LMNB2: variants seen among roughly 807,000 people sequenced by gnomAD.
The protein encoded by LMNB2 is lamin-B2.
In LMNB2, 17 loss-of-function variants were observed where a neutral mutation model predicts 69.3. The observed-to-expected ratio is 0.25, with a 90% confidence interval of 0.17 to 0.37. LMNB2 has a LOEUF of 0.37. Among genes scored for constraint, LMNB2 ranks in the 10% least tolerant of loss-of-function variants. The pLI, the probability that LMNB2 is intolerant of heterozygous loss-of-function variation, is 1.00. For missense variants in LMNB2, 789 were observed against 883.6 expected (o/e 0.89, Z 1.36); for synonymous variants, 397 against 389.3 (o/e 1.02, Z -0.23).
intron 1 of LMNB2, among the ~76,000 whole-genome samples, chr19:2,454,185 C>G (rs577797427): frequency 2.7e-5 from 4 of 150,042 alleles, no homozygotes; most frequent in Admixed American, 6.7e-5. Context: ...CCCAGCTACT[C>G]GGGAGACGGG....
intron 1 of LMNB2, among the ~76,000 whole-genome samples, chr19:2,448,355 CAG>C (rs1442223343): frequency 5.3e-5 from 8 of 152,184 alleles, no homozygotes; most frequent in Non-Finnish European, 1.0e-4. Flanking sequence ...CCTGTCCCCA[CAG>C]AGAGAGAGCT....
intron 11 of LMNB2, 146 bp downstream of exon 11, chr19:2,431,402 C>T (rs1971737059): frequency 2.9e-6 from 3 of 1,029,280 alleles, no homozygotes; most frequent in African/African-American, 1.6e-5. Context: ...GTGCTGGTAA[C>T]AGCCAAGGCT....
In LMNB2 at chr19:2,430,562, G is replaced by A. The variant is rs899636851; in HGVS notation, c.*349C>T. On this transcript the variant is annotated 3_prime_UTR_variant, in exon 12 of 12. Coordinates refer to ENST00000325327, the MANE Select transcript of LMNB2 (RefSeq NM_032737.4). Reference sequence around the variant, plus strand: ...CCTACGCAGTTTCCGCGCTCCGTCCGCAGCAGGGCCGTCTCCTGTCCCCTC... The same window carrying A: ...CCTACGCAGTTTCCGCGCTCCGTCCACAGCAGGGCCGTCTCCTGTCCCCTC... 3.3e-5 allele frequency: 13 copies of A among 399,040 alleles called. No homozygotes were observed. Among genetic ancestry groups the A allele is most frequent in the Middle Eastern group, 8.0e-4 (1 of 1,250 alleles). The allele number at this position is 399,040 out of a possible 1,614,324, so 24.7% of individuals were successfully genotyped here.
In LMNB2 at chr19:2,444,495, G is replaced by C. The variant is rs150333146; in HGVS notation, c.310C>G (p.Arg104Gly). 1.9e-6 allele frequency: 3 copies of C among 1,613,012 alleles called. No individual in the cohort carries two copies. Among genetic ancestry groups the C allele is most frequent in the Admixed American group, 3.3e-5 (2 of 59,992 alleles). The change falls in exon 2 of 12, where the codon CGG becomes GGG. Residue 104 changes from arginine to glycine, a missense_variant. Physicochemically the swap from Arg to Gly is moderately radical, Grantham distance 125 (BLOSUM62 -2). Coordinates refer to ENST00000325327, the MANE Select transcript of LMNB2 (RefSeq NM_032737.4). Reference sequence around the variant, plus strand: ...CGAGCCGTCTCATCCAGGACTCTCCGGGCATCGGCCAGCTCCGACTCGTAC... The same window carrying C: ...CGAGCCGTCTCATCCAGGACTCTCCCGGCATCGGCCAGCTCCGACTCGTAC... The part of the protein sequence containing the change: ...ALYESELADA[R>G]RVLDETARER...
intron 4 of LMNB2, among the ~76,000 whole-genome samples, 197 bp from the exon 5 acceptor site, chr19:2,435,368 A>G (rs1971809997): frequency 6.6e-6 from 1 of 152,220 alleles, no homozygotes; most frequent in South Asian, 2.1e-4. Flanking sequence ...CAGCCACGAA[A>G]AGGAGCGAGG....
chr19:2,440,101 A>AC (rs1234035098), intron 2 of LMNB2, among the ~76,000 whole-genome samples: 1 of 148,250 alleles, frequency 6.7e-6, no homozygotes, highest in Non-Finnish European at 1.5e-5. Context: ...GCTGAAAGTG[A>AC]CCGTATGTCT....
chr19:2,435,326 C>T (rs987558961), intron 4 of LMNB2, among the ~76,000 whole-genome samples, 155 bp from the exon 5 acceptor site: 3 of 152,220 alleles, frequency 2.0e-5, no homozygotes, highest in African/African-American at 7.2e-5. Flanking sequence ...TGAGAGGCGA[C>T]CCAGGGGCCG....
Position 2,430,876 on chromosome 19 carries a change from G to C in LMNB2, c.*35C>G, listed in dbSNP as rs765679951. On this transcript the variant is annotated 3_prime_UTR_variant, in exon 12 of 12. Coordinates refer to ENST00000325327, the MANE Select transcript of LMNB2 (RefSeq NM_032737.4). ...TATAAAAATAGTTTTCAGTGGCTCT[G>C]GGTAAAGAAAGGTGTGTGGATGAGG... is the stretch of plus-strand genomic sequence containing the variant. 4 of 1,387,470 alleles carry C rather than the reference G, an allele frequency of 2.9e-6. No individual in the cohort carries two copies. The highest frequency in any genetic ancestry group is 2.3e-5 in the South Asian group (2 of 86,470). 85.9% of individuals were successfully genotyped at this position (1,387,470 alleles called of 1,614,324 possible).
In LMNB2 at chr19:2,434,278, C is replaced by T. The variant is rs1971790897; in HGVS notation, c.1202+17G>A. 6.2e-7 allele frequency: 1 copy of T among 1,611,534 alleles called. No homozygotes were observed. The highest frequency in any genetic ancestry group is 8.5e-7 in the Non-Finnish European group (1 of 1,179,456). The stretch of plus-strand genomic sequence containing the variant: ...TCCTCCTCACTCTGTGCTCCCAAGC[C>T]TCCTGGCCTGCCGCACCTCTCCTCC... On this transcript the variant is annotated intron_variant, in intron 7 of 11. Coordinates refer to ENST00000325327, the MANE Select transcript of LMNB2 (RefSeq NM_032737.4).
intron 8 of LMNB2, among the ~76,000 whole-genome samples, chr19:2,433,010 G>A (rs1336853931): frequency 1.1e-5 from 1 of 94,822 alleles, no homozygotes; most frequent in African/African-American, 4.5e-5. Flanking sequence ...CGCATTGGCC[G>A]GCGGCCCCGT....
At position 2,428,771 on chromosome 19, in the gene LMNB2, A is replaced by AAT. The variant is rs1568199038; in HGVS notation, c.*2138_*2139dup. 1.3e-5 allele frequency: 2 copies of AAT among 152,204 alleles called. No homozygotes were observed. Among genetic ancestry groups the AAT allele is most frequent in the African/African-American group, 4.8e-5 (2 of 41,448 alleles). The allele number at this position is 152,204 out of a possible 1,614,324, so 9.4% of individuals were successfully genotyped here. A position where few individuals can be genotyped will look rare whatever the true frequency, so the allele number is the denominator to read the frequency against. On this transcript the variant is annotated 3_prime_UTR_variant, in exon 12 of 12. Transcript: ENST00000325327. ...AATGCAAATTGTTTCCCAGGCCATAAATAACTTTTAAAAATTTGATTTTCT... is the reference window on the plus strand; with the variant it reads ...AATGCAAATTGTTTCCCAGGCCATAAATATAACTTTTAAAAATTTGATTTTCT...
In LMNB2 at chr19:2,456,849, C is replaced by G. The variant is rs775899258; in HGVS notation, c.85G>C (p.Ala29Pro). The G allele has an allele frequency of 4.7e-5, 60 of 1,289,568 alleles. No homozygotes were observed. The highest frequency in any genetic ancestry group is 5.7e-5 in the Non-Finnish European group (58 of 1,011,464). 79.9% of individuals were successfully genotyped at this position (1,289,568 alleles called of 1,614,324 possible). A position where few individuals can be genotyped will look rare whatever the true frequency, so the allele number is the denominator to read the frequency against. The change falls in exon 1 of 12, where the codon GCG (alanine) becomes CCG (proline). Residue 29 changes from alanine (A) to proline (P), a missense_variant. Transcript: ENST00000325327. ...GACAGCGGCGTGGCGGGCCCGCCCG[C>G]GCGGCCGGGCAGCGGCGTGGCCATG... ...ATMATPLPGR[A>P]GGPATPLSPT...
intron 1 of LMNB2, among the ~76,000 whole-genome samples, chr19:2,452,390 C>G (rs769767185): frequency 1.3e-5 from 2 of 151,286 alleles, no homozygotes; most frequent in Non-Finnish European, 2.9e-5. Context: ...GCCAAGATCA[C>G]GCCACTGCAC....
chr19:2,434,576 C>A (rs1272405890), intron 6 of LMNB2, 61 bp from the exon 7 acceptor site: 2 of 1,569,610 alleles, frequency 1.3e-6, no homozygotes, highest in African/African-American at 2.7e-5. Context: ...CCCAGGTGAT[C>A]CTGGGACTGC....
chr19:2,451,107 A>G (rs185724451), intron 1 of LMNB2, among the ~76,000 whole-genome samples: 89 of 152,166 alleles, frequency 5.8e-4, no homozygotes, highest in African/African-American at 2.0e-3. Flanking sequence ...TGGGCGTGGC[A>G]GTGCAAACCT....
Position 2,431,629 on chromosome 19 carries a change from G to A in LMNB2, c.1740C>T (p.Ser580=), listed in dbSNP as rs2145444255. 6.2e-7 allele frequency: 1 copy of A among 1,614,132 alleles called. No individual in the cohort carries two copies. Among genetic ancestry groups the A allele is most frequent in the Non-Finnish European group, 8.5e-7 (1 of 1,180,008 alleles). Reference sequence around the variant, plus strand: ...CATTCTCATTCTCACGCATCACCGAGGACTTCTTCACAGTCCTCATGGCCA... The same window carrying A: ...CATTCTCATTCTCACGCATCACCGAAGACTTCTTCACAGTCCTCATGGCCA... ...EEVAMRTVKK[S]SVMRENENGE... is the part of the protein sequence containing the mutation. Residue 580 remains serine (S), a synonymous_variant, in exon 11 of 12, where the codon TCC becomes TCT. Coordinates refer to ENST00000325327, the MANE Select transcript of LMNB2 (RefSeq NM_032737.4).
In LMNB2 at chr19:2,443,811, C is replaced by T. The variant is rs1024981101; in HGVS notation, c.401+593G>A. ...TAAATTGCCGCCCAACCACATCCCACGCCCAGAATCAGGCAAGACTCACTG... is the reference window on the plus strand; with the variant it reads ...TAAATTGCCGCCCAACCACATCCCATGCCCAGAATCAGGCAAGACTCACTG... On this transcript the variant is annotated intron_variant, in intron 2 of 11. Transcript: ENST00000325327. The surrounding 1 kb of genome is among the most constrained non-coding windows in gnomAD (Gnocchi z 6.2). Among the ~76,000 whole-genome samples the T allele has an allele frequency of 3.9e-5, 6 of 152,190 alleles. No homozygotes were observed. Among genetic ancestry groups the T allele is most frequent in the Non-Finnish European group, 7.3e-5 (5 of 68,030 alleles).
intron 2 of LMNB2, among the ~76,000 whole-genome samples, chr19:2,440,964 C>G (rs1290391136): frequency 1.3e-5 from 2 of 152,258 alleles, no homozygotes; most frequent in African/African-American, 4.8e-5. Context: ...ACAGTGCCCT[C>G]CCTGCCTAGG....
At chr19:2,432,025 C>T (rs946354422) in intron 9 of LMNB2, 123 bp from the exon 10 acceptor site, 12 of 1,280,002 alleles carry the variant, frequency 9.4e-6, no homozygotes, top group East Asian at 7.6e-5. Context: ...TCCAGCCCGA[C>T]GCAGGCTTAT....
Sources: gnomAD v4.1 joint callset for allele counts (sites outside exome capture counted in the v4.1 genomes callset) on GRCh38, gnomAD v4.1.1 for gene constraint, Gnocchi (gnomAD v3.1) non-coding constraint, MANE v1.5 for transcripts, NCBI Gene and HGNC (gene_info 2026-07-23, HGNC 2026-07-21) for gene names.